Variants in RALYL observed in about 807,000 individuals in gnomAD.
The protein encoded by RALYL is RNA-binding Raly-like protein.
A neutral mutation model predicts 35.1 loss-of-function variants in RALYL; 29 were observed. That is an observed-to-expected ratio of 0.83 (90% CI 0.61 to 1.13). RALYL has a LOEUF of 1.13. Among genes scored for constraint, RALYL ranks in the 50% most tolerant of loss-of-function variants. RALYL has a pLI of 0.00. For missense variants in RALYL, 359 were observed against 360.4 expected (o/e 1.00, Z 0.03); for synonymous variants, 120 against 127.6 (o/e 0.94, Z 0.40).
chr8:84,664,258 T>C (rs150054026), intron 2 of RALYL, among the ~76,000 whole-genome samples: 85 of 136,740 alleles, frequency 6.2e-4, no homozygotes, highest in African/African-American at 2.2e-3. Flanking sequence ...GTGTGATGCC[T>C]CTAGATTTTT....
intron 1 of RALYL, among the ~76,000 whole-genome samples, chr8:84,492,710 A>G (rs899599293): frequency 6.7e-6 from 1 of 148,192 alleles, no homozygotes; most frequent in African/African-American, 2.6e-5. Flanking sequence ...ATTAACCATA[A>G]TACAAATGGG....
At chr8:84,746,373 T>C (rs10103165) in intron 2 of RALYL, among the ~76,000 whole-genome samples, 40,995 of 151,902 alleles carry the variant, frequency 0.27, 5,965 homozygotes, top group African/African-American at 0.35. Flanking sequence ...GTTTAAAGCA[T>C]ATTGAGAAAA....
At chr8:84,866,768 A>G (rs1412024826) in intron 6 of RALYL, among the ~76,000 whole-genome samples, 1 of 152,194 alleles carries the variant, frequency 6.6e-6, no homozygotes, top group East Asian at 1.9e-4. Context: ...ACTGCTAGGA[A>G]TGTCAGTTAA....
intron 2 of RALYL, among the ~76,000 whole-genome samples, chr8:84,749,749 G>T (rs749817470): frequency 6.6e-6 from 1 of 152,146 alleles, no homozygotes; most frequent in Non-Finnish European, 1.5e-5. Context: ...TAAGCAACAG[G>T]CAGATGTATC....
chr8:84,729,992 C>T (rs538281763), intron 2 of RALYL, among the ~76,000 whole-genome samples: 1 of 152,214 alleles, frequency 6.6e-6, no homozygotes, highest in African/African-American at 2.4e-5. Context: ...TGAAACTATT[C>T]CAATCAATAG....
intron 2 of RALYL, among the ~76,000 whole-genome samples, chr8:84,709,048 TATC>T (rs1841705873): frequency 6.6e-6 from 1 of 152,196 alleles, no homozygotes; most frequent in South Asian, 2.1e-4. Flanking sequence ...TTATCCATAT[TATC>T]ATGGAAATAC....
chr8:84,815,107 C>T (rs1826874174), intron 4 of RALYL, among the ~76,000 whole-genome samples: 1 of 152,146 alleles, frequency 6.6e-6, no homozygotes, highest in South Asian at 2.1e-4. Flanking sequence ...TCCACAATCC[C>T]TCCCTGTTTT....
intron 2 of RALYL, among the ~76,000 whole-genome samples, chr8:84,534,171 CTTCTTTCAG>C (rs2059448786): frequency 6.6e-6 from 1 of 152,246 alleles, no homozygotes; most frequent in South Asian, 2.1e-4. Context: ...ACTACATTCA[CTTCTTTCAG>C]TTCTTTGAAC....
In RALYL at chr8:84,914,419, C is replaced by T. The variant is rs116684490; in HGVS notation, c.859-6475C>T. Among the ~76,000 whole-genome samples, 187 of 152,042 alleles carry T rather than the reference C, an allele frequency of 1.2e-3. 1 individual carries two copies. The highest frequency in any genetic ancestry group is 4.2e-3 in the African/African-American group (175 of 41,524). On this transcript the variant is annotated intron_variant, in intron 8 of 8. Coordinates refer to ENST00000521268, the MANE Select transcript of RALYL (RefSeq NM_173848.7). Reference sequence around the variant, plus strand: ...ATGTGCCAAATAAAACTACTATAATCTATCAATGCAACTAGTTAAATATGA... The same window carrying T: ...ATGTGCCAAATAAAACTACTATAATTTATCAATGCAACTAGTTAAATATGA...
chr8:84,415,582 A>G (rs1367335158), intron 1 of RALYL, among the ~76,000 whole-genome samples: 1 of 152,048 alleles, frequency 6.6e-6, no homozygotes, highest in Non-Finnish European at 1.5e-5. Context: ...TTTCCTTGCC[A>G]GTATCTACCA....
chr8:84,820,294 A>C (rs981173807), intron 4 of RALYL, among the ~76,000 whole-genome samples: 1 of 152,240 alleles, frequency 6.6e-6, no homozygotes, highest in African/African-American at 2.4e-5. Flanking sequence ...ACTTCATAAC[A>C]TGCAAGTCTA....
In RALYL at chr8:84,409,204, G is replaced by T. The variant is rs529735873; in HGVS notation, c.-23-120095G>T. On this transcript the variant is annotated intron_variant, in intron 1 of 8. Coordinates refer to ENST00000521268, the MANE Select transcript of RALYL (RefSeq NM_173848.7). The stretch of plus-strand genomic sequence containing the variant: ...GTATGCTAAATGTTTATCAGAGCAG[G>T]TGATTTTATTTCATTGAGTTCTCAT... 5.9e-5 allele frequency among the ~76,000 whole-genome samples: 9 copies of T among 152,070 alleles called. No homozygotes were observed. The East Asian group carries it at 9.6e-4, about 16-fold the overall frequency.
intron 1 of RALYL, among the ~76,000 whole-genome samples, chr8:84,269,404 T>C (rs1833895251): frequency 6.6e-6 from 1 of 152,208 alleles, no homozygotes; most frequent in African/African-American, 2.4e-5. Context: ...ATACAGATTA[T>C]GAATCAGAGG....
chr8:84,532,710 G>A (rs2059352922), intron 2 of RALYL, among the ~76,000 whole-genome samples: 1 of 151,808 alleles, frequency 6.6e-6, no homozygotes, highest in Non-Finnish European at 1.5e-5. Flanking sequence ...ATCATTTTCT[G>A]AAAAGGAACA....
intron 2 of RALYL, among the ~76,000 whole-genome samples, chr8:84,618,026 T>A (rs1392231808): frequency 2.0e-5 from 3 of 151,892 alleles, no homozygotes; most frequent in Non-Finnish European, 4.4e-5. Flanking sequence ...TGCATTAATG[T>A]TCATCAAGGA....
chr8:84,866,936 A>G lies in RALYL; in HGVS notation c.571+4483A>G, dbSNP rs62526868. Among the ~76,000 whole-genome samples, 496 of 152,272 alleles carry G rather than the reference A, an allele frequency of 3.3e-3. 4 individuals carry two copies. The highest frequency in any genetic ancestry group is 5.8e-3 in the Admixed American group (88 of 15,284). On this transcript the variant is annotated intron_variant, in intron 6 of 8. Coordinates refer to ENST00000521268, the MANE Select transcript of RALYL (RefSeq NM_173848.7). Reference sequence around the variant, plus strand: ...CTCAAAATGATATTTTAGGACATCTATATGATGGGTGGCATTAGTTGGCGA... The same window carrying G: ...CTCAAAATGATATTTTAGGACATCTGTATGATGGGTGGCATTAGTTGGCGA...
intron 4 of RALYL, among the ~76,000 whole-genome samples, chr8:84,832,264 A>G (rs1045937477): frequency 2.1e-4 from 32 of 152,176 alleles, no homozygotes; most frequent in African/African-American, 6.7e-4. Context: ...AAAATCTGTA[A>G]TCTCTTTTAA....
At chr8:84,879,661 G>A (rs1841832274) in intron 7 of RALYL, among the ~76,000 whole-genome samples, 1 of 152,080 alleles carries the variant, frequency 6.6e-6, no homozygotes, top group East Asian at 1.9e-4. Flanking sequence ...TAAGGAGCTG[G>A]AAATGGTGAA....
chr8:84,531,490 T>A (rs1231032276), intron 2 of RALYL, among the ~76,000 whole-genome samples: 1 of 152,104 alleles, frequency 6.6e-6, no homozygotes, highest in Non-Finnish European at 1.5e-5. Flanking sequence ...GACATTGGTA[T>A]ATTTTCCACT....
Sources: gnomAD v4.1 joint callset for allele counts (sites outside exome capture counted in the v4.1 genomes callset) on GRCh38, gnomAD v4.1.1 for gene constraint, MANE v1.5 for transcripts, NCBI Gene and HGNC (gene_info 2026-07-23, HGNC 2026-07-21) for gene names.